KIAA0930: variants seen among roughly 807,000 people sequenced by gnomAD.
KIAA0930 encodes the protein KIAA0930, also known as uncharacterized protein KIAA0930.
KIAA0930 carries 24 observed loss-of-function variants against 43.9 expected under a neutral mutation model. That is an observed-to-expected ratio of 0.55 (90% CI 0.40 to 0.77). The LOEUF (loss-of-function observed/expected upper bound fraction) is 0.77. Ranked by LOEUF, KIAA0930 falls within the 30% of genes least tolerant of loss-of-function variation. The pLI, the probability that KIAA0930 is intolerant of heterozygous loss-of-function variation, is 0.00. For synonymous variants in KIAA0930, 259 were observed against 216.4 expected, an observed-to-expected ratio of 1.20 and a Z score of -1.73; for missense variants, 461 against 574.2, an observed-to-expected ratio of 0.80 and a Z score of 2.02.
Position 45,192,247 on chromosome 22 carries a change from A to AG in KIAA0930, c.*4928dup, listed in dbSNP as rs1198762369. On this transcript the variant is annotated 3_prime_UTR_variant, in exon 10 of 10. Transcript: ENST00000336156. ...ACAGAAAAAGATTAGAGGAAGACAC[A>AG]GAAAAAAAAAATTTAATATTCAACA... 3 of 152,238 alleles carry AG rather than the reference A, an allele frequency of 2.0e-5. No individual in the cohort carries two copies. Among genetic ancestry groups the AG allele is most frequent in the African/African-American group, 7.2e-5 (3 of 41,460 alleles). The allele number at this position is 152,238 out of a possible 1,614,324, so 9.4% of individuals were successfully genotyped here. A position where few individuals can be genotyped will look rare whatever the true frequency, so the allele number is the denominator to read the frequency against.
At chr22:45,228,774 T>C (rs13055623) in intron 1 of KIAA0930, among the ~76,000 whole-genome samples, 119 of 1,490 alleles carry the variant, frequency 0.08, 12 homozygotes, top group South Asian at 0.12. Flanking sequence ...TCCCTCCCCA[T>C]CCCCCCCAAC....
chr22:45,208,948 G>C (rs1297663149), intron 2 of KIAA0930, among the ~76,000 whole-genome samples: 2 of 152,234 alleles, frequency 1.3e-5, no homozygotes, highest in Non-Finnish European at 2.9e-5. Context: ...GCAGCACACA[G>C]AGCCAGGTCC....
At chr22:45,208,339 G>A (rs1049356718) in intron 2 of KIAA0930, among the ~76,000 whole-genome samples, 1 of 150,144 alleles carries the variant, frequency 6.7e-6, no homozygotes. Flanking sequence ...CACATGAGCT[G>A]TGAGAACAGG....
intron 1 of KIAA0930, chr22:45,212,527 C>T: frequency 1.4e-6 from 2 of 1,410,650 alleles, no homozygotes; most frequent in African/African-American, 1.4e-5. Flanking sequence ...TCTCTCACCC[C>T]CACCCACTCC....
chr22:45,205,778 C>A lies in KIAA0930; in HGVS notation c.336+15G>T, dbSNP rs777963358. 2.6e-6 allele frequency: 4 copies of A among 1,513,514 alleles called. No individual in the cohort carries two copies. Among genetic ancestry groups the A allele is most frequent in the Middle Eastern group, 1.7e-4 (1 of 5,772 alleles). 93.8% of individuals were successfully genotyped at this position (1,513,514 alleles called of 1,614,324 possible). On this transcript the variant is annotated intron_variant, in intron 3 of 9. Coordinates refer to ENST00000336156, the MANE Select transcript of KIAA0930 (RefSeq NM_001009880.2). The stretch of plus-strand genomic sequence containing the variant: ...CACAGGGCCAATCCGCAGCCCCACC[C>A]ATCCCACCCCATACCTTCTGCAGGA...
intron 1 of KIAA0930, among the ~76,000 whole-genome samples, chr22:45,238,087 A>T (rs899083284): frequency 4.8e-5 from 7 of 146,448 alleles, no homozygotes; most frequent in African/African-American, 1.5e-4. Context: ...CGCCTGGCTA[A>T]TTTTTTTTTT....
At chr22:45,219,582 GTTTTTTTTTTT>G (rs535482000) in intron 1 of KIAA0930, among the ~76,000 whole-genome samples, 2,904 of 61,260 alleles carry the variant, frequency 0.047, 137 homozygotes, top group African/African-American at 0.15. Context: ...AGAGGTGATT[GTTTTTTTTTTT>G]TTTTTTTTTT....
intron 9 of KIAA0930, 87 bp downstream of exon 9, chr22:45,197,703 C>T: frequency 6.9e-7 from 1 of 1,441,260 alleles, no homozygotes; most frequent in South Asian, 1.2e-5. Flanking sequence ...GGCGGGATGA[C>T]TCCGGGTGGC....
chr22:45,225,159 C>G (rs981321222), intron 1 of KIAA0930, among the ~76,000 whole-genome samples: 8 of 152,090 alleles, frequency 5.3e-5, no homozygotes, highest in African/African-American at 1.9e-4. Flanking sequence ...CCAGGGCTGG[C>G]TGAATGGGCT....
chr22:45,227,951 C>T (rs1374618472), intron 1 of KIAA0930, among the ~76,000 whole-genome samples: 2 of 152,032 alleles, frequency 1.3e-5, no homozygotes, highest in Non-Finnish European at 2.9e-5. Context: ...TCAGGAGAAA[C>T]CTGGAATCCT....
intron 1 of KIAA0930, among the ~76,000 whole-genome samples, chr22:45,221,313 T>C (rs567187692): frequency 6.6e-6 from 1 of 152,306 alleles, no homozygotes; most frequent in East Asian, 1.9e-4. Context: ...TTGCAGACCA[T>C]AGCTGCAAAT....
rs1384636074 is a variant in KIAA0930 at position 45,240,751 on chromosome 22, G to A, written c.-48C>T. On this transcript the variant is annotated 5_prime_UTR_variant, in exon 1 of 10. Coordinates refer to ENST00000336156, the MANE Select transcript of KIAA0930 (RefSeq NM_001009880.2). ...GCCTCGGCGCCGCCCGCAGGCTCGG[G>A]GGCGGCGGCGGCGGGGAGGGCGGGC... 9.8e-7 allele frequency: 1 copy of A among 1,015,708 alleles called. No homozygotes were observed. The highest frequency in any genetic ancestry group is 1.2e-6 in the Non-Finnish European group (1 of 830,958). The allele number at this position is 1,015,708 out of a possible 1,614,324, so 62.9% of individuals were successfully genotyped here.
Position 45,193,767 on chromosome 22 carries a change from T to A in KIAA0930, c.*3409A>T, listed in dbSNP as rs2083511109. ...TTGAAATAATAAGCCTTAGCTGGCTTTGCAGGCAACTAGGCACTTCCAGCA... is the reference window on the plus strand; with the variant it reads ...TTGAAATAATAAGCCTTAGCTGGCTATGCAGGCAACTAGGCACTTCCAGCA... On this transcript the variant is annotated 3_prime_UTR_variant, in exon 10 of 10. Coordinates refer to ENST00000336156, the MANE Select transcript of KIAA0930 (RefSeq NM_001009880.2). 6.6e-6 allele frequency: 1 copy of A among 152,206 alleles called. No individual in the cohort carries two copies. Among genetic ancestry groups the A allele is most frequent in the African/African-American group, 2.4e-5 (1 of 41,444 alleles). 9.4% of individuals were successfully genotyped at this position (152,206 alleles called of 1,614,324 possible).
intron 1 of KIAA0930, chr22:45,226,743 T>C (rs953542291): frequency 1.9e-5 from 3 of 159,122 alleles, no homozygotes; most frequent in African/African-American, 7.2e-5. Flanking sequence ...GACCGACCAC[T>C]TCCTGAGTAA....
At chr22:45,231,223 GA>G (rs529570003) in intron 1 of KIAA0930, among the ~76,000 whole-genome samples, 88 of 47,428 alleles carry the variant, frequency 1.9e-3, no homozygotes, top group South Asian at 3.4e-3. Flanking sequence ...CTCCGTCTCA[GA>G]AAAAAAAAAA....
chr22:45,209,674 C>T (rs1077565), intron 2 of KIAA0930, among the ~76,000 whole-genome samples: 19,586 of 152,244 alleles, frequency 0.13, 1,429 homozygotes, highest in East Asian at 0.21. Flanking sequence ...TAGCACTGGC[C>T]ATACCGTCTG....
In KIAA0930 at chr22:45,205,788, C is replaced by T. The variant is rs1569074489; in HGVS notation, c.336+5G>A. 5 of 1,608,670 alleles carry T rather than the reference C, an allele frequency of 3.1e-6. No individual in the cohort carries two copies. ...ATCCGCAGCCCCACCCATCCCACCC[C>T]ATACCTTCTGCAGGATGAGATTCAG... is the stretch of plus-strand genomic sequence containing the variant. On this transcript the variant is annotated splice_donor_5th_base_variant and intron_variant, in intron 3 of 9. Transcript: ENST00000336156.
At chr22:45,202,861 A>G in intron 7 of KIAA0930, 129 bp downstream of exon 7, 1 of 768,666 alleles carries the variant, frequency 1.3e-6, no homozygotes, top group Non-Finnish European at 2.0e-6. Flanking sequence ...CACGCTCGGC[A>G]CCTCGGCCTG....
intron 8 of KIAA0930, among the ~76,000 whole-genome samples, chr22:45,198,651 GT>G (rs1021395670): frequency 2.0e-5 from 3 of 151,460 alleles, no homozygotes; most frequent in Non-Finnish European, 2.9e-5. Context: ...CCTTCACGTC[GT>G]TTTTTTTTGT....
Sources: allele counts gnomAD v4.1 joint callset (sites outside exome capture counted in the v4.1 genomes callset), GRCh38; gene constraint gnomAD v4.1.1; transcripts MANE v1.5; gene names NCBI Gene and HGNC (gene_info 2026-07-23, HGNC 2026-07-21).